MAP3K7CL: variants seen among roughly 807,000 people sequenced by gnomAD.
MAP3K7CL encodes MAP3K7 C-terminal-like protein.
Under a neutral mutation model 18.6 loss-of-function variants are expected in MAP3K7CL, and 16 were observed. The ratio of observed to expected loss-of-function variants is 0.86; its 90% CI spans 0.58 to 1.31. MAP3K7CL has a LOEUF of 1.31. Ranked by LOEUF, MAP3K7CL falls within the 50% of genes most tolerant of loss-of-function variation. The pLI, the probability that MAP3K7CL is intolerant of heterozygous loss-of-function variation, is 0.00. For missense variants in MAP3K7CL, 163 were observed against 174.4 expected, an observed-to-expected ratio of 0.93 and a Z score of 0.37; for synonymous variants, 65 against 66.8, an observed-to-expected ratio of 0.97 and a Z score of 0.13.
chr21:29,089,298 AAAG>A (rs953301846), intron 1 of MAP3K7CL, among the ~76,000 whole-genome samples: 9 of 152,058 alleles, frequency 5.9e-5, no homozygotes, highest in African/African-American at 2.2e-4. Flanking sequence ...CCACCTGCAG[AAAG>A]AAGGATAATC....
At chr21:29,139,606 A>G (rs1413408752) in intron 2 of MAP3K7CL, among the ~76,000 whole-genome samples, 2 of 151,368 alleles carry the variant, frequency 1.3e-5, no homozygotes, top group African/African-American at 2.4e-5. Flanking sequence ...TTTTTTTGAG[A>G]CGGAGTCTCA....
intron 4 of MAP3K7CL, among the ~76,000 whole-genome samples, chr21:29,163,605 C>G (rs1379021445): frequency 6.6e-6 from 1 of 152,118 alleles, no homozygotes; most frequent in African/African-American, 2.4e-5. Flanking sequence ...ACATTGGCCT[C>G]CTCACTTCTC....
At chr21:29,155,736 C>T (rs956179504) in intron 3 of MAP3K7CL, among the ~76,000 whole-genome samples, 2 of 152,182 alleles carry the variant, frequency 1.3e-5, no homozygotes, top group African/African-American at 4.8e-5. Flanking sequence ...GCTCCATCCT[C>T]AGGCGGCAGC....
At chr21:29,127,921 G>C (rs2086707597), upstream of MAP3K7CL, 1 of 152,234 alleles carries the variant, frequency 6.6e-6, no homozygotes, top group Non-Finnish European at 1.5e-5. Context: ...TTCTATCTCT[G>C]TATGGTTCTT....
chr21:29,095,062 A>G (rs1330326804), intron 4 of MAP3K7CL, among the ~76,000 whole-genome samples: 1 of 143,432 alleles, frequency 7.0e-6, no homozygotes, highest in Non-Finnish European at 1.5e-5. Flanking sequence ...TGTCTCAGAA[A>G]TGAAAGGAAA....
upstream of MAP3K7CL, chr21:29,128,135 G>A (rs1365109296): frequency 6.6e-6 from 1 of 152,100 alleles, no homozygotes. Context: ...CTTTCCCATT[G>A]GCACACATAA....
intron 1 of MAP3K7CL, among the ~76,000 whole-genome samples, chr21:29,090,061 G>T (rs2085996487): frequency 6.6e-6 from 1 of 152,208 alleles, no homozygotes; most frequent in Non-Finnish European, 1.5e-5. Context: ...TTGAATCAGT[G>T]ATGACAGCAG....
At chr21:29,126,506 T>A (rs949414382), upstream of MAP3K7CL, among the ~76,000 whole-genome samples, 1 of 152,218 alleles carries the variant, frequency 6.6e-6, no homozygotes, top group Non-Finnish European at 1.5e-5. Flanking sequence ...TTGCCCAGGC[T>A]GGAGTACAAT....
At chr21:29,152,059 C>A (rs1267418939) in intron 3 of MAP3K7CL, among the ~76,000 whole-genome samples, 2 of 152,084 alleles carry the variant, frequency 1.3e-5, no homozygotes, top group Non-Finnish European at 2.9e-5. Context: ...ACCAGCAATA[C>A]AACCAAACAC....
intron 4 of MAP3K7CL, among the ~76,000 whole-genome samples, chr21:29,170,037 A>G (rs892349271): frequency 4.6e-5 from 7 of 152,206 alleles, no homozygotes; most frequent in Admixed American, 2.0e-4. Context: ...GAACCAATAA[A>G]TCAAAGGCAG....
intron 3 of MAP3K7CL, among the ~76,000 whole-genome samples, chr21:29,153,248 T>C (rs2087319332): frequency 6.6e-6 from 1 of 152,242 alleles, no homozygotes; most frequent in Non-Finnish European, 1.5e-5. Context: ...AATGTTCATT[T>C]GTGGGCCTTG....
intron 1 of MAP3K7CL, among the ~76,000 whole-genome samples, chr21:29,090,419 C>T (rs9977657): frequency 0.27 from 41,202 of 151,618 alleles, 5,660 homozygotes; most frequent in South Asian, 0.29. Context: ...CTCACTCTGT[C>T]GCCCAGGCTG....
intron 3 of MAP3K7CL, among the ~76,000 whole-genome samples, chr21:29,151,372 G>A (rs553900371): frequency 4.8e-4 from 73 of 152,010 alleles, no homozygotes; most frequent in Non-Finnish European, 9.3e-4. Flanking sequence ...CAGGAGAATC[G>A]CTTGAAACCA....
At chr21:29,136,379 T>C (rs892284888) in intron 2 of MAP3K7CL, among the ~76,000 whole-genome samples, 1 of 152,192 alleles carries the variant, frequency 6.6e-6, no homozygotes, top group Non-Finnish European at 1.5e-5. Flanking sequence ...CCCCTAGACT[T>C]TCATAGTAAA....
At chr21:29,120,635 A>G (rs534706608) in intron 4 of MAP3K7CL, among the ~76,000 whole-genome samples, 2 of 152,316 alleles carry the variant, frequency 1.3e-5, no homozygotes, top group African/African-American at 2.4e-5. Context: ...TGAAGGTATT[A>G]ACATAGAATG....
intron 4 of MAP3K7CL, among the ~76,000 whole-genome samples, chr21:29,113,497 C>G (rs12483450): frequency 0.1 from 15,792 of 152,086 alleles, 1,848 homozygotes; most frequent in African/African-American, 0.28. Flanking sequence ...GTGCTCACTG[C>G]GGCTGGAGTG....
chr21:29,159,356 A>G (rs1423977486), intron 3 of MAP3K7CL, among the ~76,000 whole-genome samples: 1 of 152,124 alleles, frequency 6.6e-6, no homozygotes, highest in Non-Finnish European at 1.5e-5. Context: ...TGAATCTTAT[A>G]GGGATGGTTT....
intron 2 of MAP3K7CL, among the ~76,000 whole-genome samples, chr21:29,134,259 T>C (rs2086837853): frequency 6.6e-6 from 1 of 152,234 alleles, no homozygotes; most frequent in Admixed American, 6.5e-5. Context: ...GGCTCACGAC[T>C]GTAATCCCAG....
At chr21:29,092,199 G>A in intron 3 of MAP3K7CL, 2 of 485,018 alleles carry the variant, frequency 4.1e-6, no homozygotes, top group Non-Finnish European at 7.4e-6. Flanking sequence ...CTGAGGCAGA[G>A]CGAGGCTGAG....
Sources: gnomAD v4.1 joint callset for allele counts (sites outside exome capture counted in the v4.1 genomes callset) on GRCh38, gnomAD v4.1.1 for gene constraint, MANE v1.5 for transcripts, NCBI Gene and HGNC (gene_info 2026-07-23, HGNC 2026-07-21) for gene names.